PLEKHG1: variants seen among roughly 807,000 people sequenced by gnomAD.
PLEKHG1 encodes pleckstrin homology domain-containing family G member 1.
PLEKHG1 carries 44 observed loss-of-function variants against 100.8 expected under a neutral mutation model. That is an observed-to-expected ratio of 0.44 (90% CI 0.34 to 0.56). The LOEUF is 0.56. Among genes scored for constraint, PLEKHG1 ranks in the 20% least tolerant of loss-of-function variants. The pLI is 0.01. For synonymous variants in PLEKHG1, 640 were observed against 662.5 expected, an observed-to-expected ratio of 0.97 and a Z score of 0.52; for missense variants, 1,545 against 1,720.9, an observed-to-expected ratio of 0.90 and a Z score of 1.81.
chr6:150,834,767 T>C (rs2128690950), intron 15 of PLEKHG1, among the ~76,000 whole-genome samples: 1 of 152,270 alleles, frequency 6.6e-6, no homozygotes, highest in East Asian at 1.9e-4. Context: ...CCTGTCGACG[T>C]TCTCCCCAGC....
intron 15 of PLEKHG1, among the ~76,000 whole-genome samples, chr6:150,835,407 CATTT>C (rs1401997955): frequency 6.6e-6 from 1 of 152,102 alleles, no homozygotes; most frequent in Non-Finnish European, 1.5e-5. Flanking sequence ...ACATCAGAAA[CATTT>C]ATTTTAATCC....
intron 2 of PLEKHG1, among the ~76,000 whole-genome samples, chr6:150,737,281 A>ATTCCTTTTTTTTTT (rs1298907384): frequency 8.5e-6 from 1 of 117,034 alleles, no homozygotes; most frequent in African/African-American, 3.2e-5. Context: ...TCATATGGGT[A>ATTCCTTTTTTTTTT]TTTTTTTTTT....
chr6:150,679,759 C>G (rs1162495156), intron 3 of PLEKHG1, among the ~76,000 whole-genome samples: 1 of 151,982 alleles, frequency 6.6e-6, no homozygotes, highest in Non-Finnish European at 1.5e-5. Flanking sequence ...TTAAACTAGA[C>G]TAGTAGGAGA....
intron 14 of PLEKHG1, among the ~76,000 whole-genome samples, chr6:150,825,914 C>T (rs753225939): frequency 1.1e-4 from 17 of 152,308 alleles, no homozygotes; most frequent in East Asian, 1.9e-4. Context: ...CATGGTGGCT[C>T]ACGCCTGTAA....
chr6:150,828,420 G>C, intron 14 of PLEKHG1: 1 of 1,538,972 alleles, frequency 6.5e-7, no homozygotes, highest in Non-Finnish European at 8.8e-7. Context: ...ACTTTCTTGT[G>C]ACAAATTGTC....
chr6:150,806,327 C>T (rs1333551170), intron 7 of PLEKHG1, among the ~76,000 whole-genome samples: 1 of 145,452 alleles, frequency 6.9e-6, no homozygotes. Flanking sequence ...ATACAGTCAT[C>T]CCCCCTATCC....
chr6:150,779,829 G>A (rs372449116), intron 3 of PLEKHG1, among the ~76,000 whole-genome samples: 80 of 151,762 alleles, frequency 5.3e-4, no homozygotes, highest in African/African-American at 1.9e-3. Flanking sequence ...AGTCAGGCAT[G>A]GTGACACGTG....
At chr6:150,753,427 G>C (rs1013148434) in intron 2 of PLEKHG1, among the ~76,000 whole-genome samples, 9 of 152,078 alleles carry the variant, frequency 5.9e-5, no homozygotes, top group African/African-American at 1.9e-4. Flanking sequence ...TTCATAATGG[G>C]GCTTACGGTG....
At chr6:150,603,493 T>A (rs918549072) in intron 1 of PLEKHG1, among the ~76,000 whole-genome samples, 6 of 152,184 alleles carry the variant, frequency 3.9e-5, no homozygotes, top group Non-Finnish European at 7.3e-5. Flanking sequence ...ATATGGCTAA[T>A]CACCTAGCGA....
At chr6:150,675,286 A>T (rs936104318) in intron 3 of PLEKHG1, among the ~76,000 whole-genome samples, 1 of 152,176 alleles carries the variant, frequency 6.6e-6, no homozygotes, top group Admixed American at 6.5e-5. Context: ...GCAAACTTGC[A>T]TGATTGAGGA....
intron 15 of PLEKHG1, among the ~76,000 whole-genome samples, chr6:150,834,436 G>A (rs776140608): frequency 1.9e-4 from 29 of 152,144 alleles, no homozygotes; most frequent in Non-Finnish European, 3.8e-4. Context: ...TTTTGATGAT[G>A]ATGGGTTATG....
intron 3 of PLEKHG1, among the ~76,000 whole-genome samples, chr6:150,779,346 T>TTGTTTTTTTTTG (rs538911050): frequency 0.043 from 5,782 of 134,408 alleles, 399 homozygotes; most frequent in East Asian, 0.23. Flanking sequence ...GTCAAGAAGT[T>TTGTTTTTTTTTG]TTTTTTTTTT....
intron 1 of PLEKHG1, among the ~76,000 whole-genome samples, chr6:150,607,485 T>G (rs1391411196): frequency 1.3e-5 from 2 of 152,246 alleles, no homozygotes; most frequent in East Asian, 3.8e-4. Context: ...ATCTATGTTG[T>G]GCTAAAGTAT....
intron 2 of PLEKHG1, among the ~76,000 whole-genome samples, chr6:150,739,121 C>A (rs1203982076): frequency 1.3e-5 from 2 of 152,006 alleles, no homozygotes; most frequent in African/African-American, 4.8e-5. Flanking sequence ...CCTGTTGTAA[C>A]CTGTTAGTAA....
intron 6 of PLEKHG1, among the ~76,000 whole-genome samples, chr6:150,802,059 A>G (rs1022062971): frequency 6.6e-6 from 1 of 152,236 alleles, no homozygotes; most frequent in Admixed American, 6.5e-5. Context: ...CCTGCAGTTT[A>G]TAGGTATCTC....
chr6:150,782,673 A>G (rs1785379642), intron 3 of PLEKHG1, among the ~76,000 whole-genome samples: 1 of 152,202 alleles, frequency 6.6e-6, no homozygotes, highest in African/African-American at 2.4e-5. Context: ...CAATCCAGCT[A>G]TGTTCTATTA....
chr6:150,714,605 G>A (rs972228055), intron 3 of PLEKHG1, among the ~76,000 whole-genome samples: 2 of 152,150 alleles, frequency 1.3e-5, no homozygotes, highest in African/African-American at 4.8e-5. Context: ...TTAGGACCAT[G>A]CCTCAATACT....
At chr6:150,840,713 T>A in exon 16 of PLEKHG1, 5 of 1,614,208 alleles carry the variant, frequency 3.1e-6, no homozygotes, top group Non-Finnish European at 4.2e-6. Flanking sequence ...ATTCTTTGAA[T>A]AGTCCGCGCA....
At chr6:150,636,002 CAG>C (rs1389491852) in intron 1 of PLEKHG1, among the ~76,000 whole-genome samples, 2 of 152,078 alleles carry the variant, frequency 1.3e-5, no homozygotes, top group African/African-American at 4.8e-5. Context: ...TGGGTGTTAA[CAG>C]AGGCATTTTT....
Sources: gnomAD v4.1 joint callset for allele counts (sites outside exome capture counted in the v4.1 genomes callset) on GRCh38, gnomAD v4.1.1 for gene constraint, MANE v1.5 for transcripts, NCBI Gene and HGNC (gene_info 2026-07-23, HGNC 2026-07-21) for gene names.